The following DAW1 variants were observed in gnomAD, a reference collection of about 807,000 sequenced individuals.
The protein encoded by DAW1 is dynein assembly factor with WD repeat domains 1.
DAW1 carries 47 observed loss-of-function variants against 56.5 expected under a neutral mutation model. That is an observed-to-expected ratio of 0.83 (90% CI 0.66 to 1.06). DAW1 has a LOEUF of 1.06. Among genes scored for constraint, DAW1 ranks in the 50% least tolerant of loss-of-function variants. The pLI is 0.00. For synonymous variants in DAW1, 190 were observed against 179.0 expected, an observed-to-expected ratio of 1.06 and a Z score of -0.49; for missense variants, 505 against 499.3, an observed-to-expected ratio of 1.01 and a Z score of -0.11.
chr2:227,891,046 A>G (rs1174925789), intron 3 of DAW1, among the ~76,000 whole-genome samples: 1 of 152,246 alleles, frequency 6.6e-6, no homozygotes, highest in Non-Finnish European at 1.5e-5. Flanking sequence ...TTATACATGT[A>G]TACAAAACCA....
At chr2:227,897,401 G>T (rs55962251) in intron 5 of DAW1, among the ~76,000 whole-genome samples, 7,477 of 152,228 alleles carry the variant, frequency 0.049, 245 homozygotes, top group Middle Eastern at 0.095. Flanking sequence ...TTTCTAGTCT[G>T]CTTTAGGATA....
At chr2:227,919,717 A>G (rs1692060019) in intron 11 of DAW1, among the ~76,000 whole-genome samples, 1 of 152,184 alleles carries the variant, frequency 6.6e-6, no homozygotes, top group Admixed American at 6.5e-5. Context: ...AGTGATCTGA[A>G]GTTTAGATGT....
intron 10 of DAW1, among the ~76,000 whole-genome samples, chr2:227,910,495 AACACACACACACAC>A (rs55741229): frequency 2.8e-4 from 40 of 145,360 alleles, no homozygotes; most frequent in Non-Finnish European, 3.2e-4. Context: ...TTTGTGGATG[AACACACACACACAC>A]ACACACACAC....
intron 1 of DAW1, among the ~76,000 whole-genome samples, chr2:227,879,195 G>A (rs1690954059): frequency 1.3e-5 from 2 of 152,182 alleles, no homozygotes; most frequent in African/African-American, 4.8e-5. Flanking sequence ...CTTGAAAGGA[G>A]CCACCTAACA....
At chr2:227,874,707 T>A (rs1482558136) in intron 1 of DAW1, among the ~76,000 whole-genome samples, 1 of 152,110 alleles carries the variant, frequency 6.6e-6, no homozygotes, top group Admixed American at 6.5e-5. Context: ...CACTATGCAA[T>A]CTCATCCATT....
intron 10 of DAW1, among the ~76,000 whole-genome samples, chr2:227,914,168 C>T (rs1443371517): frequency 2.0e-5 from 3 of 152,044 alleles, no homozygotes; most frequent in African/African-American, 7.2e-5. Flanking sequence ...GTCTGCACCA[C>T]CTCCTTGATA....
chr2:227,903,220 A>T, intron 7 of DAW1, 111 bp downstream of exon 7: 11 of 1,113,242 alleles, frequency 9.9e-6, no homozygotes, highest in Non-Finnish European at 1.4e-5. Flanking sequence ...TTCAAATTTT[A>T]GTGGTGAAAG....
At position 227,903,110 on chromosome 2, in the gene DAW1, G is replaced by T; in HGVS notation, c.648+1G>T. ...TGGCGAGGAAGTTTACACCTTAAGA[G>T]TATGTCAATAATGTTAATAAGCCTG... On this transcript the variant is annotated splice_donor_variant, in intron 7 of 12. Transcript: ENST00000309931. LOFTEE classifies it high-confidence loss of function. The T allele has an allele frequency of 6.2e-7, 1 of 1,612,662 alleles. No homozygotes were observed. The highest frequency in any genetic ancestry group is 8.5e-7 in the Non-Finnish European group (1 of 1,178,770).
At chr2:227,876,607 C>A in intron 1 of DAW1, 1 of 831,170 alleles carries the variant, frequency 1.2e-6, no homozygotes, top group Non-Finnish European at 1.6e-6. Flanking sequence ...CCTCCTAATC[C>A]TCTAATTTTC....
intron 11 of DAW1, among the ~76,000 whole-genome samples, chr2:227,920,953 A>G (rs1692091739): frequency 6.6e-6 from 1 of 152,160 alleles, no homozygotes; most frequent in Non-Finnish European, 1.5e-5. Context: ...TGCTGGGATT[A>G]CGGTCCTGAG....
chr2:227,921,240 T>C (rs1692099135), intron 11 of DAW1, among the ~76,000 whole-genome samples, 159 bp from the exon 12 acceptor site: 1 of 151,298 alleles, frequency 6.6e-6, no homozygotes, highest in South Asian at 2.1e-4. Flanking sequence ...TTTTTTCCAT[T>C]ATGAAGAAAT....
intron 6 of DAW1, among the ~76,000 whole-genome samples, chr2:227,901,619 A>G (rs983772870): frequency 6.6e-5 from 10 of 152,334 alleles, no homozygotes; most frequent in African/African-American, 1.9e-4. Flanking sequence ...GAGGGAAACT[A>G]GAGAACAAAG....
chr2:227,880,670 T>A (rs551515536), intron 1 of DAW1, among the ~76,000 whole-genome samples: 206 of 151,934 alleles, frequency 1.4e-3, no homozygotes, highest in African/African-American at 4.9e-3. Flanking sequence ...AACAGCTGCT[T>A]AGATTACCTG....
chr2:227,894,839 G>A (rs1464628589), intron 5 of DAW1, among the ~76,000 whole-genome samples: 5 of 152,174 alleles, frequency 3.3e-5, no homozygotes, highest in South Asian at 2.1e-4. Flanking sequence ...TCCTCCTCCT[G>A]CTGGTTAGGT....
intron 10 of DAW1, among the ~76,000 whole-genome samples, chr2:227,907,992 T>C (rs1339935606): frequency 6.6e-6 from 1 of 152,246 alleles, no homozygotes; most frequent in Non-Finnish European, 1.5e-5. Context: ...CATGATGCTA[T>C]GCTATACATT....
At chr2:227,918,438 T>C (rs1692025749) in intron 10 of DAW1, among the ~76,000 whole-genome samples, 1 of 152,230 alleles carries the variant, frequency 6.6e-6, no homozygotes, top group Non-Finnish European at 1.5e-5. Flanking sequence ...CTGGTCTTGC[T>C]GCTTATTTCA....
chr2:227,907,262 C>T lies in DAW1; in HGVS notation c.973+10C>T. On this transcript the variant is annotated intron_variant, in intron 10 of 12. Transcript: ENST00000309931. The stretch of plus-strand genomic sequence containing the variant: ...ACTGCTTCAGCTGATGGTAGGTGAT[C>T]TGTTCATTCTTTTAATTTTTGGAGA... The T allele has an allele frequency of 1.3e-6, 2 of 1,598,968 alleles. No homozygotes were observed. Among genetic ancestry groups the T allele is most frequent in the Non-Finnish European group, 1.7e-6 (2 of 1,170,212 alleles).
intron 4 of DAW1, 151 bp downstream of exon 4, chr2:227,891,464 C>G (rs1559305484): frequency 1.5e-6 from 1 of 661,486 alleles, no homozygotes; most frequent in Non-Finnish European, 2.5e-6. Flanking sequence ...AACCCTTTCT[C>G]CCACTCTTCT....
At position 227,904,986 on chromosome 2, in the gene DAW1, A is replaced by G. The variant is rs1559310116; in HGVS notation, c.706A>G (p.Thr236Ala). The change falls in exon 8 of 13, where the codon ACG (threonine) becomes GCG (alanine). Residue 236 changes from threonine (T) to alanine (A), a missense_variant. Physicochemically the swap from Thr to Ala is moderately conservative, Grantham distance 58 (BLOSUM62 0). Transcript: ENST00000309931. ...TAACACCTCAGGAGACAGAATCATCACGGGGTCTTTTGATCATACCGTTGT... is the reference window on the plus strand; with the variant it reads ...TAACACCTCAGGAGACAGAATCATCGCGGGGTCTTTTGATCATACCGTTGT... ...SFNTSGDRIITGSFDHTVVVW... is the reference protein window; with the variant it reads ...SFNTSGDRIIAGSFDHTVVVW... The G allele has an allele frequency of 3.7e-6, 6 of 1,613,884 alleles. No homozygotes were observed. Among genetic ancestry groups the G allele is most frequent in the Non-Finnish European group, 5.1e-6 (6 of 1,179,792 alleles).
Sources: allele counts gnomAD v4.1 joint callset (sites outside exome capture counted in the v4.1 genomes callset), GRCh38; gene constraint gnomAD v4.1.1; transcripts MANE v1.5; gene names NCBI Gene and HGNC (gene_info 2026-07-23, HGNC 2026-07-21).